PHF11: variants seen among roughly 807,000 people sequenced by gnomAD.
PHF11 encodes BRCA1 C-terminus-associated protein.
Under a neutral mutation model 40.5 loss-of-function variants are expected in PHF11, and 38 were observed. The ratio of observed to expected loss-of-function variants is 0.94; its 90% CI spans 0.72 to 1.23. The LOEUF is 1.23. Among genes scored for constraint, PHF11 ranks in the 50% most tolerant of loss-of-function variants. PHF11 has a pLI of 0.00. For synonymous variants in PHF11, 127 were observed against 138.2 expected (o/e 0.92, Z 0.57); for missense variants, 369 against 392.4 (o/e 0.94, Z 0.50).
chr13:49,496,175 G>A, intron 1 of PHF11, 80 bp downstream of exon 1: 1 of 896,644 alleles, frequency 1.1e-6, no homozygotes, highest in Non-Finnish European at 1.5e-6. Context: ...CCTTCCGGTC[G>A]TGGCCGCATG....
At chr13:49,512,937 C>G (rs1250684608) in intron 2 of PHF11, 122 bp from the exon 3 acceptor site, 6 of 597,946 alleles carry the variant, frequency 1.0e-5, no homozygotes, top group Non-Finnish European at 1.5e-5. Flanking sequence ...AAAGTTGCCA[C>G]TGTTTTACCC....
Position 49,496,107 on chromosome 13 carries a change from GGGGGC to G in PHF11, c.94+16_94+20del, listed in dbSNP as rs1958800070. 12 of 370,792 alleles carry G rather than the reference GGGGGC, an allele frequency of 3.2e-5. No homozygotes were observed. Among genetic ancestry groups the G allele is most frequent in the South Asian group, 4.0e-5 (1 of 25,012 alleles). 23.0% of individuals were successfully genotyped at this position (370,792 alleles called of 1,614,324 possible). On this transcript the variant is annotated intron_variant, in intron 1 of 9. Coordinates refer to ENST00000378319, the MANE Select transcript of PHF11 (RefSeq NM_001040443.3). ...CCTCCTTCCCACCGGTGTGTACCGC[GGGGGC>G]GGGCGGGCGGGCGGGCGGGGCTGGG...
intron 2 of PHF11, among the ~76,000 whole-genome samples, chr13:49,509,696 G>A (rs1452110980): frequency 6.6e-6 from 1 of 152,112 alleles, no homozygotes; most frequent in Non-Finnish European, 1.5e-5. Flanking sequence ...CATGAAATCT[G>A]ATGGTTTTAT....
chr13:49,497,300 T>C lies in PHF11; in HGVS notation c.94+1205T>C, dbSNP rs932317898. The C allele has an allele frequency of 1.2e-5, 9 of 774,828 alleles. No homozygotes were observed. In the African/African-American group the frequency reaches 1.4e-4, roughly 12 times the overall value. The allele number at this position is 774,828 out of a possible 1,614,324, so 48.0% of individuals were successfully genotyped here. ...TAACCAACTTCTTCCATTTCTGAAA[T>C]GATCTCAAACTGAGTATGTCCCAAA... On this transcript the variant is annotated intron_variant, in intron 1 of 9. Coordinates refer to ENST00000378319, the MANE Select transcript of PHF11 (RefSeq NM_001040443.3).
rs1959156544 is a variant in PHF11, at chr13:49,516,428, T to C, written c.325-1590T>C. On this transcript the variant is annotated intron_variant, in intron 3 of 9. Coordinates refer to ENST00000378319, the MANE Select transcript of PHF11 (RefSeq NM_001040443.3). ...AATGTTTATTAGCCATTTGTATTTTTTCTTCTGTAATTTGCCAGTTACCAT... is the reference window on the plus strand; with the variant it reads ...AATGTTTATTAGCCATTTGTATTTTCTCTTCTGTAATTTGCCAGTTACCAT... Among the ~76,000 whole-genome samples, 3 of 151,244 alleles carry C rather than the reference T, an allele frequency of 2.0e-5. No individual in the cohort carries two copies. In the South Asian group the frequency reaches 6.4e-4, roughly 32 times the overall value.
intron 2 of PHF11, 45 bp from the exon 3 acceptor site, chr13:49,513,014 A>G: frequency 1.1e-6 from 1 of 913,084 alleles, no homozygotes; most frequent in East Asian, 2.5e-5. Flanking sequence ...TGTAGCTTTC[A>G]ATATTACTTT....
rs1959097701 is a variant in PHF11, at chr13:49,512,930, G to A, written c.217-129G>A. On this transcript the variant is annotated intron_variant, in intron 2 of 9. Coordinates refer to ENST00000378319, the MANE Select transcript of PHF11 (RefSeq NM_001040443.3). ...TATGGTCTGCTCATCCACCCCCAAA[G>A]TTGCCACTGTTTTACCCCCAGTCCA... is the stretch of plus-strand genomic sequence containing the variant. The A allele has an allele frequency of 1.3e-5, 8 of 593,846 alleles. No individual in the cohort carries two copies. In the East Asian group the frequency reaches 2.4e-4, roughly 17 times the overall value. The allele number at this position is 593,846 out of a possible 1,614,324, so 36.8% of individuals were successfully genotyped here. A position where few individuals can be genotyped will look rare whatever the true frequency, so the allele number is the denominator to read the frequency against.
intron 1 of PHF11, among the ~76,000 whole-genome samples, chr13:49,497,471 G>A (rs747676653): frequency 2.5e-4 from 38 of 152,072 alleles, no homozygotes; most frequent in African/African-American, 9.2e-4. Context: ...TAATGCATCA[G>A]TCGGGCCAGC....
chr13:49,523,180 C>G lies in PHF11; in HGVS notation c.576C>G (p.Pro192=). The part of the protein sequence containing the change: ...KPLSGNHVQP[P]ETMKCNTFIR... ...ATCTTGATTTTCTCTCCTAGCCACC[C>G]GAAACAATGAAATGTAATACATTCA... Residue 192 remains proline, a synonymous_variant, in exon 7 of 10, where the codon CCC becomes CCG. Transcript: ENST00000378319. The G allele has an allele frequency of 6.2e-7, 1 of 1,606,354 alleles. No individual in the cohort carries two copies. The highest frequency in any genetic ancestry group is 1.1e-5 in the South Asian group (1 of 90,888).
rs1338048213 is a variant in PHF11, at chr13:49,496,050, A to C, written c.49A>C (p.Ser17Arg). Residue 17 changes from serine to arginine, a missense_variant, in exon 1 of 10, where the codon AGC becomes CGC. Physicochemically the swap from Ser to Arg is moderately radical, Grantham distance 110. Coordinates refer to ENST00000378319, the MANE Select transcript of PHF11 (RefSeq NM_001040443.3). ...GCCCGAGAGGGTGCTCGGCGCCAGC[A>C]GCCCGGAGGCCCGGCCCGCGCAGGA... ...PRPERVLGAS[S>R]PEARPAQEAL... 3.5e-6 allele frequency: 5 copies of C among 1,442,908 alleles called. No individual in the cohort carries two copies. Among genetic ancestry groups the C allele is most frequent in the Non-Finnish European group, 4.5e-6 (5 of 1,101,958 alleles). 89.4% of individuals were successfully genotyped at this position (1,442,908 alleles called of 1,614,324 possible). A position where few individuals can be genotyped will look rare whatever the true frequency, so the allele number is the denominator to read the frequency against.
At chr13:49,515,732 C>T (rs1257645729) in intron 3 of PHF11, among the ~76,000 whole-genome samples, 1 of 152,062 alleles carries the variant, frequency 6.6e-6, no homozygotes, top group Non-Finnish European at 1.5e-5. Context: ...GACACTCGCC[C>T]GACTGTCTCT....
intron 3 of PHF11, among the ~76,000 whole-genome samples, chr13:49,514,502 C>T (rs1455769751): frequency 6.6e-6 from 1 of 152,086 alleles, no homozygotes; most frequent in Non-Finnish European, 1.5e-5. Flanking sequence ...CCTCTAATCC[C>T]AGCACTTTGG....
chr13:49,523,304 C>T, intron 7 of PHF11, 63 bp downstream of exon 7: 1 of 1,119,190 alleles, frequency 8.9e-7, no homozygotes, highest in Non-Finnish European at 1.4e-6. Context: ...TGTCAACCCA[C>T]CTGTTTCAAA....
At chr13:49,526,616 CA>C (rs1469374711) in intron 9 of PHF11, among the ~76,000 whole-genome samples, 158 bp downstream of exon 9, 1 of 145,326 alleles carries the variant, frequency 6.9e-6, no homozygotes, top group Non-Finnish European at 1.5e-5. Context: ...TGACCCCGCC[CA>C]CCTGCCCACA....
chr13:49,525,833 T>G (rs949336826), intron 8 of PHF11: 2 of 454,282 alleles, frequency 4.4e-6, no homozygotes, highest in Admixed American at 2.4e-5. Flanking sequence ...AGGACACAGA[T>G]AGCTGGGCCT....
intron 2 of PHF11, among the ~76,000 whole-genome samples, chr13:49,512,107 C>T (rs1488716463): frequency 6.6e-6 from 1 of 152,198 alleles, no homozygotes; most frequent in Non-Finnish European, 1.5e-5. Flanking sequence ...TATTGCATCT[C>T]ACTATGGCTT....
chr13:49,511,780 C>A (rs772269947), intron 2 of PHF11, among the ~76,000 whole-genome samples: 5 of 152,152 alleles, frequency 3.3e-5, no homozygotes, highest in Non-Finnish European at 7.4e-5. Flanking sequence ...TTATTGGTCT[C>A]ATCCAGCAAC....
intron 1 of PHF11, among the ~76,000 whole-genome samples, chr13:49,499,281 G>A (rs1479049914): frequency 1.3e-5 from 2 of 152,150 alleles, no homozygotes; most frequent in Non-Finnish European, 2.9e-5. Context: ...CAGGTCCTCT[G>A]GGACTATCAG....
chr13:49,496,830 CTTTTT>C (rs34505707), intron 1 of PHF11, among the ~76,000 whole-genome samples: 2 of 88,048 alleles, frequency 2.3e-5, no homozygotes, highest in South Asian at 4.4e-4. Context: ...TGGGCTTACC[CTTTTT>C]TTTTTTTTTT....
Sources: allele counts gnomAD v4.1 joint callset (sites outside exome capture counted in the v4.1 genomes callset), GRCh38; gene constraint gnomAD v4.1.1; transcripts MANE v1.5; gene names NCBI Gene and HGNC (gene_info 2026-07-23, HGNC 2026-07-21).